The following SNX25 variants were observed in gnomAD, a reference collection of about 807,000 sequenced individuals.
The protein encoded by SNX25 is sorting nexin-25.
SNX25 carries 62 observed loss-of-function variants against 113.7 expected under a neutral mutation model. The observed-to-expected ratio is 0.55, with a 90% CI of 0.44 to 0.67. SNX25 has a LOEUF of 0.67. Among genes scored for constraint, SNX25 ranks in the 30% least tolerant of loss-of-function variants. The pLI is 0.00. For synonymous variants in SNX25, 421 were observed against 436.2 expected (o/e 0.97, Z 0.43); for missense variants, 1,014 against 1,161.0 (o/e 0.87, Z 1.84).
downstream of SNX25, chr4:185,373,989 G>C: frequency 2.9e-6 from 2 of 680,784 alleles, no homozygotes; most frequent in African/African-American, 1.8e-5. Flanking sequence ...AAAGGGCTTT[G>C]AGATCCTAAA....
At chr4:185,255,788 T>G (rs973336134) in intron 2 of SNX25, among the ~76,000 whole-genome samples, 31 of 152,168 alleles carry the variant, frequency 2.0e-4, no homozygotes, top group Admixed American at 1.6e-3. Context: ...TTACTTCACT[T>G]CTTTGAGCCT....
the SNX25 span, among the ~76,000 whole-genome samples, chr4:185,376,443 C>CTTTT: frequency 5.8e-3 from 611 of 105,738 alleles, 11 homozygotes; most frequent in African/African-American, 0.022. Flanking sequence ...TGCCCAGCTA[C>CTTTT]TTTTTTTTTT....
intron 2 of SNX25, among the ~76,000 whole-genome samples, chr4:185,251,714 T>C (rs1745691102): frequency 6.6e-6 from 1 of 152,000 alleles, no homozygotes; most frequent in South Asian, 2.1e-4. Flanking sequence ...TAATTGATGC[T>C]GCTATGAACA....
chr4:185,213,604 G>C (rs552751969), intron 1 of SNX25, among the ~76,000 whole-genome samples: 2 of 152,118 alleles, frequency 1.3e-5, no homozygotes, highest in Non-Finnish European at 2.9e-5. Context: ...GTGGTGTCCC[G>C]TGTCCAAGGT....
At chr4:185,259,103 A>C (rs754673843) in intron 3 of SNX25, 39 bp downstream of exon 3, 16 of 1,554,772 alleles carry the variant, frequency 1.0e-5, no homozygotes, top group Non-Finnish European at 1.3e-5. Flanking sequence ...TTTTGCATTA[A>C]TTTTTTTTAA....
In SNX25 at chr4:185,210,261, T is replaced by C. The variant is rs1465535099; in HGVS notation, c.429+6T>C. The C allele has an allele frequency of 1.0e-6, 1 of 984,476 alleles. No homozygotes were observed. The highest frequency in any genetic ancestry group is 1.8e-5 in the African/African-American group (1 of 57,086). The allele number at this position is 984,476 out of a possible 1,614,324, so 61.0% of individuals were successfully genotyped here. ...CCGCCCGCCGCCCGCCGGGGGTAAG[T>C]ACCCGACTCCTGGCCGCCCAGCTCC... On this transcript the variant is annotated splice_donor_region_variant and intron_variant, in intron 1 of 18. Coordinates refer to ENST00000652585, the MANE Select transcript of SNX25 (RefSeq NM_001378034.2). This position sits in a 1 kb window ranked among gnomAD's most constrained non-coding sequence, Gnocchi z 4.4.
At chr4:185,247,853 C>A (rs543317670) in intron 2 of SNX25, among the ~76,000 whole-genome samples, 1 of 152,068 alleles carries the variant, frequency 6.6e-6, no homozygotes, top group African/African-American at 2.4e-5. Flanking sequence ...TAAAATATGG[C>A]TATGTCTGGA....
At chr4:185,236,523 A>G (rs1742674156) in intron 1 of SNX25, among the ~76,000 whole-genome samples, 1 of 136,786 alleles carries the variant, frequency 7.3e-6, no homozygotes, top group Admixed American at 7.9e-5. Context: ...CAGTGGCCAC[A>G]TTTTTTATTT....
intron 12 of SNX25, among the ~76,000 whole-genome samples, chr4:185,345,330 C>T (rs2095280369): frequency 6.6e-6 from 1 of 152,182 alleles, no homozygotes; most frequent in African/African-American, 2.4e-5. Flanking sequence ...ACTCTCACTG[C>T]CTGTTTCATT....
chr4:185,350,391 G>A (rs1032833286), intron 13 of SNX25, among the ~76,000 whole-genome samples: 1 of 152,108 alleles, frequency 6.6e-6, no homozygotes, highest in African/African-American at 2.4e-5. Context: ...ATATTCCTAA[G>A]CCCAGTGTCT....
intron 9 of SNX25, among the ~76,000 whole-genome samples, chr4:185,329,879 A>G (rs1225912488): frequency 6.6e-6 from 1 of 151,980 alleles, no homozygotes; most frequent in Non-Finnish European, 1.5e-5. Context: ...TCACTCGAAA[A>G]GTGAAGTGAG....
chr4:185,317,827 C>T (rs1301330317), intron 7 of SNX25, among the ~76,000 whole-genome samples: 1 of 152,048 alleles, frequency 6.6e-6, no homozygotes, highest in African/African-American at 2.4e-5. Context: ...GAACAAATAC[C>T]TAATGCATGT....
chr4:185,345,784 T>C (rs532528662), intron 12 of SNX25, among the ~76,000 whole-genome samples: 15 of 151,080 alleles, frequency 9.9e-5, no homozygotes, highest in Non-Finnish European at 2.1e-4. Flanking sequence ...ACTGAGACCC[T>C]GTTTCAAAAA....
At chr4:185,338,335 G>T (rs1412114863) in intron 10 of SNX25, among the ~76,000 whole-genome samples, 26 of 150,986 alleles carry the variant, frequency 1.7e-4, no homozygotes, top group Non-Finnish European at 8.8e-5. Flanking sequence ...GAGTGAAGTG[G>T]CACGATCTCG....
chr4:185,308,430 T>A (rs1273016137), intron 6 of SNX25, among the ~76,000 whole-genome samples: 2 of 152,184 alleles, frequency 1.3e-5, no homozygotes, highest in Non-Finnish European at 2.9e-5. Flanking sequence ...TGGGGGTCCC[T>A]AGTGATCTTG....
At chr4:185,234,550 C>T (rs1391848300) in intron 1 of SNX25, among the ~76,000 whole-genome samples, 1 of 71,110 alleles carries the variant, frequency 1.4e-5, no homozygotes, top group East Asian at 5.6e-4. Context: ...GGCGTGGTGG[C>T]GGGCGCCTGT....
At chr4:185,323,001 T>C (rs1460146166) in intron 8 of SNX25, among the ~76,000 whole-genome samples, 1 of 152,220 alleles carries the variant, frequency 6.6e-6, no homozygotes, top group Non-Finnish European at 1.5e-5. Context: ...TGAAGTAGGC[T>C]GGTGATGACA....
chr4:185,298,505 AC>A (rs746073462), intron 6 of SNX25, among the ~76,000 whole-genome samples: 89 of 152,016 alleles, frequency 5.9e-4, no homozygotes, highest in Non-Finnish European at 9.4e-4. Context: ...AGCTTATGTC[AC>A]CTTTGTATTT....
At chr4:185,296,640 AT>A (rs1224871272) in intron 6 of SNX25, among the ~76,000 whole-genome samples, 3 of 151,928 alleles carry the variant, frequency 2.0e-5, no homozygotes, top group African/African-American at 4.8e-5. Flanking sequence ...TAAAAAAAAA[AT>A]TTTTTTTGAG....
Sources: gnomAD v4.1 joint callset for allele counts (sites outside exome capture counted in the v4.1 genomes callset) on GRCh38, gnomAD v4.1.1 for gene constraint, Gnocchi (gnomAD v3.1) non-coding constraint, MANE v1.5 for transcripts, NCBI Gene and HGNC (gene_info 2026-07-23, HGNC 2026-07-21) for gene names.